The following MAP7 variants were observed in gnomAD, a reference collection of about 807,000 sequenced individuals.
MAP7 encodes microtubule associated protein 7.
A neutral mutation model predicts 94.8 loss-of-function variants in MAP7; 52 were observed. The ratio of observed to expected loss-of-function variants is 0.55; its 90% CI spans 0.44 to 0.69. The LOEUF (loss-of-function observed/expected upper bound fraction) is 0.69, where lower values mean the gene tolerates loss of function less well. Among genes scored for constraint, MAP7 ranks in the 30% least tolerant of loss-of-function variants. The pLI is 0.00. For missense variants in MAP7, 940 were observed against 964.6 expected (o/e 0.97, Z 0.34); for synonymous variants, 350 against 357.0 (o/e 0.98, Z 0.22).
chr6:136,386,598 C>T (rs1011840644), intron 5 of MAP7, among the ~76,000 whole-genome samples: 10 of 152,010 alleles, frequency 6.6e-5, no homozygotes, highest in Admixed American at 2.6e-4. Context: ...AAAATATATA[C>T]CCTGCCAGGT....
At chr6:136,524,247 A>G (rs1005681084) in intron 1 of MAP7, among the ~76,000 whole-genome samples, 5 of 152,140 alleles carry the variant, frequency 3.3e-5, no homozygotes, top group Non-Finnish European at 4.4e-5. Context: ...CCATCTCAAA[A>G]AAAAGAAAAG....
chr6:136,532,623 ATT>A (rs59064974), intron 1 of MAP7, among the ~76,000 whole-genome samples: 4 of 146,962 alleles, frequency 2.7e-5, no homozygotes, highest in African/African-American at 9.9e-5. Flanking sequence ...TACAGGTTGA[ATT>A]TTTTTTTTTT....
intron 4 of MAP7, among the ~76,000 whole-genome samples, chr6:136,388,978 CAT>C (rs1464321221): frequency 2.0e-5 from 3 of 152,114 alleles, no homozygotes; most frequent in Non-Finnish European, 4.4e-5. Flanking sequence ...TACAAACTGA[CAT>C]ATAATGCATG....
chr6:136,402,561 G>A lies in MAP7; in HGVS notation c.244+9059C>T, dbSNP rs116593379. On this transcript the variant is annotated intron_variant, in intron 3 of 17. Transcript: ENST00000354570. ...GAGGTGCTAGAATAGTAGTTACATA[G>A]GTGGAGATCAAGAGCTTTTCTTATA... Among the ~76,000 whole-genome samples, 515 of 152,276 alleles carry A rather than the reference G, an allele frequency of 3.4e-3. 3 individuals carry two copies. The highest frequency in any genetic ancestry group is 0.012 in the African/African-American group (480 of 41,554).
chr6:136,534,677 G>A (rs987977777), intron 1 of MAP7, among the ~76,000 whole-genome samples: 2 of 152,128 alleles, frequency 1.3e-5, no homozygotes, highest in African/African-American at 4.8e-5. Context: ...TTAATATAAT[G>A]TTCCTACAGT....
chr6:136,345,461 T>C (rs1336370207), intron 17 of MAP7, among the ~76,000 whole-genome samples: 2 of 152,122 alleles, frequency 1.3e-5, no homozygotes, highest in African/African-American at 2.4e-5. Context: ...CTCAGAAAGA[T>C]GGAAAAAACT....
intron 1 of MAP7, among the ~76,000 whole-genome samples, chr6:136,520,367 T>A (rs1471045772): frequency 1.3e-5 from 2 of 152,206 alleles, no homozygotes; most frequent in African/African-American, 4.8e-5. Flanking sequence ...GAAAGGACAA[T>A]TCTAATGCTA....
chr6:136,431,984 T>G (rs906282170), intron 1 of MAP7, among the ~76,000 whole-genome samples: 6 of 152,150 alleles, frequency 3.9e-5, no homozygotes, highest in African/African-American at 1.4e-4. Flanking sequence ...TCTTCCTGCT[T>G]TGAATGTCGA....
Position 136,377,750 on chromosome 6 carries a change from T to C in MAP7, c.751+5A>G, listed in dbSNP as rs779274607. The C allele has an allele frequency of 1.2e-6, 2 of 1,612,472 alleles. No individual in the cohort carries two copies. Among genetic ancestry groups the C allele is most frequent in the Non-Finnish European group, 1.7e-6 (2 of 1,178,690 alleles). On this transcript the variant is annotated splice_donor_5th_base_variant and intron_variant, in intron 7 of 17. Coordinates refer to ENST00000354570, the MANE Select transcript of MAP7 (RefSeq NM_003980.6). ...ATGGGGAAAGTTCCACCTGGACAGT[T>C]TTACCTGCTTCTCCAGACAAGGCAG...
At chr6:136,405,203 A>C (rs1785224031) in intron 3 of MAP7, among the ~76,000 whole-genome samples, 1 of 152,252 alleles carries the variant, frequency 6.6e-6, no homozygotes, top group Non-Finnish European at 1.5e-5. Context: ...TAAGCTACAG[A>C]AATGAAAAAA....
intron 1 of MAP7, among the ~76,000 whole-genome samples, chr6:136,424,339 A>G (rs1425130822): frequency 2.6e-5 from 4 of 152,084 alleles, no homozygotes; most frequent in Non-Finnish European, 4.4e-5. Context: ...AAAAAAAAAA[A>G]AAAAGAAAAT....
intron 1 of MAP7, among the ~76,000 whole-genome samples, chr6:136,426,646 G>C (rs1034963713): frequency 2.6e-5 from 4 of 152,230 alleles, no homozygotes; most frequent in Non-Finnish European, 5.9e-5. Context: ...CCCTCACTGG[G>C]ATGGAGCACG....
At chr6:136,345,117 C>A (rs778559136) in intron 17 of MAP7, among the ~76,000 whole-genome samples, 14 of 152,148 alleles carry the variant, frequency 9.2e-5, no homozygotes, top group Non-Finnish European at 1.6e-4. Context: ...GATGGGATTG[C>A]GTTGCTGAGC....
At chr6:136,411,544 T>A in intron 3 of MAP7, 76 bp downstream of exon 3, 1 of 1,246,064 alleles carries the variant, frequency 8.0e-7, no homozygotes, top group Non-Finnish European at 1.1e-6. Flanking sequence ...GTAAAATTCA[T>A]AAAGGTATGC....
At chr6:136,388,146 C>CA (rs1307771556) in intron 5 of MAP7, among the ~76,000 whole-genome samples, 2 of 152,082 alleles carry the variant, frequency 1.3e-5, no homozygotes, top group East Asian at 3.9e-4. Context: ...TATTTAGAAA[C>CA]ACTACATAGA....
intron 4 of MAP7, among the ~76,000 whole-genome samples, chr6:136,389,014 A>G (rs1779944451): frequency 1.3e-5 from 2 of 152,200 alleles, no homozygotes; most frequent in African/African-American, 4.8e-5. Context: ...TAAGGGTTAA[A>G]TGAGATAATC....
At chr6:136,445,030 CG>C (rs1036486312) in intron 1 of MAP7, among the ~76,000 whole-genome samples, 2 of 152,180 alleles carry the variant, frequency 1.3e-5, no homozygotes, top group African/African-American at 4.8e-5. Context: ...TATAATGAAA[CG>C]AGTTCAACTG....
chr6:136,489,526 C>CTTT lies in MAP7; in HGVS notation c.67+60813_67+60815dup, dbSNP rs1164047042. Among the ~76,000 whole-genome samples, 168 of 102,968 alleles carry CTTT rather than the reference C, an allele frequency of 1.6e-3. 1 individual carries two copies. The highest frequency in any genetic ancestry group is 2.2e-3 in the African/African-American group (59 of 26,980). 67.6% of individuals were successfully genotyped at this position (102,968 alleles called of 152,430 possible). On this transcript the variant is annotated intron_variant, in intron 1 of 17. Coordinates refer to ENST00000354570, the MANE Select transcript of MAP7 (RefSeq NM_003980.6). ...TACAATGCTCTGTAACATCAGGTTT[C>CTTT]TTTTTTTTTTTTTTTTTTTTTGGCA...
intron 16 of MAP7, among the ~76,000 whole-genome samples, chr6:136,353,841 C>A (rs1161653877): frequency 1.3e-5 from 2 of 152,128 alleles, no homozygotes; most frequent in Non-Finnish European, 2.9e-5. Context: ...GCGTAAGCCA[C>A]CATGCCCGGC....
Sources: gnomAD v4.1 joint callset for allele counts (sites outside exome capture counted in the v4.1 genomes callset) on GRCh38, gnomAD v4.1.1 for gene constraint, MANE v1.5 for transcripts, NCBI Gene and HGNC (gene_info 2026-07-23, HGNC 2026-07-21) for gene names.